The following RGS21 variants were observed in gnomAD, a reference collection of about 807,000 sequenced individuals.
The protein encoded by RGS21 is regulator of G-protein signalling 21.
In RGS21, 19 loss-of-function variants were observed where a neutral mutation model predicts 18.7. The observed-to-expected ratio is 1.01, with a 90% confidence interval of 0.71 to 1.49. RGS21 has a LOEUF of 1.49. Among genes scored for constraint, RGS21 ranks in the 40% most tolerant of loss-of-function variants. RGS21 has a pLI of 0.00. For synonymous variants in RGS21, 56 were observed against 57.8 expected, an observed-to-expected ratio of 0.97 and a Z score of 0.14; for missense variants, 194 against 176.8, an observed-to-expected ratio of 1.10 and a Z score of -0.55.
chr1:192,323,410 C>A (rs7554535), intron 1 of RGS21, among the ~76,000 whole-genome samples: 73,147 of 151,814 alleles, frequency 0.48, 18,771 homozygotes, highest in African/African-American at 0.65. Context: ...CTGTTGCAGG[C>A]ACGTTAGGCA....
chr1:192,347,227 T>C, intron 2 of RGS21, 86 bp from the exon 3 acceptor site: 2 of 810,252 alleles, frequency 2.5e-6, no homozygotes, highest in Non-Finnish European at 4.2e-6. Flanking sequence ...GAAGTTCATT[T>C]GAATGATGTA....
chr1:192,340,774 A>C (rs1289709565), intron 1 of RGS21, among the ~76,000 whole-genome samples: 2 of 152,206 alleles, frequency 1.3e-5, no homozygotes, highest in African/African-American at 2.4e-5. Context: ...CACATCTTAC[A>C]TGGCGGCAGA....
intron 2 of RGS21, among the ~76,000 whole-genome samples, chr1:192,345,414 T>C (rs1658931823): frequency 6.6e-6 from 1 of 152,092 alleles, no homozygotes; most frequent in African/African-American, 2.4e-5. Flanking sequence ...TATCAGCATC[T>C]TGAAGGCCAT....
intron 3 of RGS21, among the ~76,000 whole-genome samples, chr1:192,351,204 C>T (rs756709621): frequency 1.3e-5 from 2 of 151,956 alleles, no homozygotes; most frequent in Non-Finnish European, 2.9e-5. Flanking sequence ...AAGGCAACAT[C>T]GGAGAAAAAC....
intron 1 of RGS21, among the ~76,000 whole-genome samples, chr1:192,317,946 C>A (rs1024178430): frequency 6.6e-6 from 1 of 151,808 alleles, no homozygotes; most frequent in African/African-American, 2.4e-5. Context: ...ATGGTTGTTA[C>A]TTTGTTTTGG....
chr1:192,344,609 A>G (rs549503499), intron 2 of RGS21, among the ~76,000 whole-genome samples: 12 of 152,258 alleles, frequency 7.9e-5, no homozygotes, highest in African/African-American at 2.6e-4. Flanking sequence ...TTGCTCTTTC[A>G]CAGAATTACA....
intron 4 of RGS21, among the ~76,000 whole-genome samples, chr1:192,357,829 A>G (rs1008457596): frequency 6.6e-6 from 1 of 152,066 alleles, no homozygotes; most frequent in Non-Finnish European, 1.5e-5. Context: ...TTCTTAGACT[A>G]TGAAGCCTAG....
At chr1:192,344,491 G>A (rs1658919051) in intron 2 of RGS21, among the ~76,000 whole-genome samples, 1 of 152,026 alleles carries the variant, frequency 6.6e-6, no homozygotes, top group South Asian at 2.1e-4. Flanking sequence ...TGAAGTCTAT[G>A]ATATGCGTAG....
chr1:192,334,555 T>TA (rs1290853740), intron 1 of RGS21, among the ~76,000 whole-genome samples: 9 of 151,786 alleles, frequency 5.9e-5, no homozygotes, highest in Non-Finnish European at 1.0e-4. Flanking sequence ...CTTGATAAAA[T>TA]AAAAAAGAGG....
intron 4 of RGS21, among the ~76,000 whole-genome samples, chr1:192,361,697 C>A (rs1356429427): frequency 1.3e-5 from 2 of 152,016 alleles, no homozygotes; most frequent in Non-Finnish European, 2.9e-5. Flanking sequence ...AGATACCCAC[C>A]ACCACGCCTG....
chr1:192,366,400 T>C lies in RGS21; in HGVS notation c.*276T>C. 1 of 264,900 alleles carries C rather than the reference T, an allele frequency of 3.8e-6. No individual in the cohort carries two copies. Among genetic ancestry groups the C allele is most frequent in the Non-Finnish European group, 7.2e-6 (1 of 139,706 alleles). The allele number at this position is 264,900 out of a possible 1,614,324, so 16.4% of individuals were successfully genotyped here. Reference sequence around the variant, plus strand: ...CCAAAACTGAATATTCTTATTATATTATAATGTAAGGAATTATACATATCT... The same window carrying C: ...CCAAAACTGAATATTCTTATTATATCATAATGTAAGGAATTATACATATCT... On this transcript the variant is annotated 3_prime_UTR_variant, in exon 5 of 5. Coordinates refer to ENST00000417209, the MANE Select transcript of RGS21 (RefSeq NM_001039152.3).
intron 4 of RGS21, among the ~76,000 whole-genome samples, chr1:192,357,880 T>C (rs1367253753): frequency 1.3e-5 from 2 of 152,030 alleles, no homozygotes; most frequent in Non-Finnish European, 1.5e-5. Context: ...GTCAGAAGTA[T>C]TTCTTCTAAT....
chr1:192,352,379 T>A (rs956805529), intron 4 of RGS21, among the ~76,000 whole-genome samples, 166 bp downstream of exon 4: 1 of 152,066 alleles, frequency 6.6e-6, no homozygotes, highest in Admixed American at 6.6e-5. Flanking sequence ...CTCTTTTTTT[T>A]CATTGATTCA....
chr1:192,335,761 A>G (rs12564406), intron 1 of RGS21, among the ~76,000 whole-genome samples: 50,122 of 151,936 alleles, frequency 0.33, 9,491 homozygotes, highest in African/African-American at 0.51. Context: ...ATTACAGAAG[A>G]CAAAAACTGG....
Position 192,352,191 on chromosome 1 carries a change from T to A in RGS21, c.233T>A (p.Ile78Asn), listed in dbSNP as rs747235193. 2 of 1,608,274 alleles carry A rather than the reference T, an allele frequency of 1.2e-6. No individual in the cohort carries two copies. Among genetic ancestry groups the A allele is most frequent in the South Asian group, 2.2e-5 (2 of 90,412 alleles). The change falls in exon 4 of 5, where the codon ATT becomes AAT. Residue 78 changes from isoleucine to asparagine, a missense_variant. By Grantham distance (149) the Ile-to-Asn change is moderately radical (BLOSUM62 -3). Transcript: ENST00000417209. ...GCCAAGATGATTTATTCTGAATTCA[T>A]TGAAGCTGATGCACCTAAAGAGGTG... ...SKAKMIYSEF[I>N]EADAPKEINI...
At chr1:192,362,421 A>C (rs903612078) in intron 4 of RGS21, among the ~76,000 whole-genome samples, 1 of 152,230 alleles carries the variant, frequency 6.6e-6, no homozygotes, top group African/African-American at 2.4e-5. Flanking sequence ...AATAAAAAAA[A>C]GAATTTACAC....
At chr1:192,322,260 G>GAA (rs5779617) in intron 1 of RGS21, among the ~76,000 whole-genome samples, 7 of 151,078 alleles carry the variant, frequency 4.6e-5, no homozygotes, top group African/African-American at 1.2e-4. Flanking sequence ...TGTGTCAGCA[G>GAA]AAAAAAAAAT....
At chr1:192,323,217 G>A (rs1007738068) in intron 1 of RGS21, among the ~76,000 whole-genome samples, 2 of 152,094 alleles carry the variant, frequency 1.3e-5, no homozygotes, top group East Asian at 3.9e-4. Flanking sequence ...CCCCACAAAC[G>A]CAGTTGCCTC....
intron 1 of RGS21, among the ~76,000 whole-genome samples, chr1:192,336,684 G>T (rs1490152082): frequency 6.6e-6 from 1 of 151,842 alleles, no homozygotes; most frequent in Non-Finnish European, 1.5e-5. Context: ...ATCAAGCCAG[G>T]TATTTTATAA....
Sources: allele counts gnomAD v4.1 joint callset (sites outside exome capture counted in the v4.1 genomes callset), GRCh38; gene constraint gnomAD v4.1.1; transcripts MANE v1.5; gene names NCBI Gene and HGNC (gene_info 2026-07-23, HGNC 2026-07-21).